Variants in ITIH5 observed in about 807,000 individuals in gnomAD.
ITIH5 encodes inter-alpha-trypsin inhibitor heavy chain H5.
Under a neutral mutation model 77.5 loss-of-function variants are expected in ITIH5, and 65 were observed. That is an observed-to-expected ratio of 0.84 (90% confidence interval 0.69 to 1.03). ITIH5 has a LOEUF of 1.03. Among genes scored for constraint, ITIH5 ranks in the 50% least tolerant of loss-of-function variants. ITIH5 has a pLI of 0.00. For synonymous variants in ITIH5, 525 were observed against 494.3 expected, an observed-to-expected ratio of 1.06 and a Z score of -0.82; for missense variants, 1,208 against 1,213.1, an observed-to-expected ratio of 1.00 and a Z score of 0.06.
intron 2 of ITIH5, among the ~76,000 whole-genome samples, chr10:7,652,687 C>T (rs1197277144): frequency 6.6e-6 from 1 of 152,020 alleles, no homozygotes; most frequent in Non-Finnish European, 1.5e-5. Context: ...TTTTCCTTTC[C>T]TTTGAAAGGA....
chr10:7,661,144 C>A (rs1299116065), intron 1 of ITIH5, among the ~76,000 whole-genome samples: 1 of 152,172 alleles, frequency 6.6e-6, no homozygotes, highest in African/African-American at 2.4e-5. Flanking sequence ...TTAGGTGGAA[C>A]AATTTCATCC....
chr10:7,589,741 C>G (rs976033824), intron 7 of ITIH5, among the ~76,000 whole-genome samples: 1 of 151,952 alleles, frequency 6.6e-6, no homozygotes, highest in Non-Finnish European at 1.5e-5. Flanking sequence ...TGGCTCCCAC[C>G]CCCAGGAAAT....
chr10:7,625,438 T>C (rs1483771075), intron 5 of ITIH5, among the ~76,000 whole-genome samples: 3 of 152,126 alleles, frequency 2.0e-5, no homozygotes, highest in African/African-American at 7.2e-5. Context: ...AATACACCAA[T>C]GTGAATAGAC....
In ITIH5 at chr10:7,663,375, C is replaced by T. The variant is rs184073747; in HGVS notation, c.90+3428G>A. ...TATGCAAATGCTTTGCCTGAATTAA[C>T]TCATTTAATCCTCGAACAACCATAA... On this transcript the variant is annotated intron_variant, in intron 1 of 13. Transcript: ENST00000397146. Among the ~76,000 whole-genome samples, 26 of 152,332 alleles carry T rather than the reference C, an allele frequency of 1.7e-4. 1 individual carries two copies. The East Asian group carries it at 4.2e-3, about 25-fold the overall frequency.
At chr10:7,577,560 G>C (rs1832450408) in intron 9 of ITIH5, among the ~76,000 whole-genome samples, 1 of 152,198 alleles carries the variant, frequency 6.6e-6, no homozygotes, top group Non-Finnish European at 1.5e-5. Context: ...ACAAATTCCA[G>C]ATGTGCTTTA....
At chr10:7,646,276 G>A (rs1166103682) in intron 2 of ITIH5, among the ~76,000 whole-genome samples, 2 of 152,142 alleles carry the variant, frequency 1.3e-5, no homozygotes, top group African/African-American at 4.8e-5. Flanking sequence ...TTAAACTGGT[G>A]TTTTAAAAAT....
chr10:7,575,342 T>C (rs992092257), intron 10 of ITIH5, among the ~76,000 whole-genome samples: 1 of 152,118 alleles, frequency 6.6e-6, no homozygotes, highest in Non-Finnish European at 1.5e-5. Context: ...GGTTGGTGAA[T>C]CCTAACTGCA....
chr10:7,570,036 A>G (rs1396176566), intron 11 of ITIH5: 1 of 353,068 alleles, frequency 2.8e-6, no homozygotes, highest in East Asian at 5.1e-5. Flanking sequence ...TCCTTTCAAC[A>G]CACCTCAGCT....
intron 4 of ITIH5, among the ~76,000 whole-genome samples, 165 bp from the exon 5 acceptor site, chr10:7,637,643 GA>G (rs772062784): frequency 3.3e-5 from 5 of 152,104 alleles, no homozygotes; most frequent in Non-Finnish European, 5.9e-5. Context: ...ATTCGTATTA[GA>G]AGAAGTGAAA....
At chr10:7,582,022 C>T (rs1000709700) in intron 8 of ITIH5, among the ~76,000 whole-genome samples, 7 of 151,392 alleles carry the variant, frequency 4.6e-5, no homozygotes, top group Admixed American at 2.6e-4. Flanking sequence ...ATTACAGGCA[C>T]ACGCCACCAT....
chr10:7,607,822 GA>G (rs904051382), intron 7 of ITIH5, among the ~76,000 whole-genome samples: 10 of 151,374 alleles, frequency 6.6e-5, no homozygotes, highest in African/African-American at 1.9e-4. Context: ...CTCGAAAGAA[GA>G]AAAAAAAAAT....
chr10:7,566,212 C>CCCA lies in ITIH5; in HGVS notation c.2342_2344dup (p.Val781dup). On this transcript the variant is annotated inframe_insertion, in exon 13 of 14. Coordinates refer to ENST00000397146, the MANE Select transcript of ITIH5 (RefSeq NM_030569.7). ...CACGGACACCTCCAGCCCCCAGCTC[C>CCCA]CCACCACCACACTCTGGTTGCAGGG... The CCCA allele has an allele frequency of 6.2e-7, 1 of 1,613,914 alleles. No homozygotes were observed. The highest frequency in any genetic ancestry group is 8.5e-7 in the Non-Finnish European group (1 of 1,179,944).
intron 2 of ITIH5, among the ~76,000 whole-genome samples, chr10:7,652,950 T>C (rs1834124241): frequency 6.6e-6 from 1 of 151,966 alleles, no homozygotes; most frequent in African/African-American, 2.4e-5. Context: ...CAAATATAAT[T>C]TAAAATGTCC....
At chr10:7,611,704 T>G (rs1463481952) in intron 7 of ITIH5, among the ~76,000 whole-genome samples, 1 of 152,210 alleles carries the variant, frequency 6.6e-6, no homozygotes, top group Non-Finnish European at 1.5e-5. Context: ...TCTTTACATA[T>G]TAATGATACA....
rs189781993 is a variant in ITIH5 at position 7,574,780 on chromosome 10, G to A, written c.1979-1585C>T. On this transcript the variant is annotated intron_variant, in intron 10 of 13. Coordinates refer to ENST00000397146, the MANE Select transcript of ITIH5 (RefSeq NM_030569.7). ...TGCACTCCAGCTTGGGCGAAAGAGC[G>A]AGACTCCATCTCGGAAAAAAAAAAA... is the stretch of plus-strand genomic sequence containing the variant. Among the ~76,000 whole-genome samples, 327 of 131,280 alleles carry A rather than the reference G, an allele frequency of 2.5e-3. 2 individuals carry two copies. Among genetic ancestry groups the A allele is most frequent in the African/African-American group, 9.2e-3 (308 of 33,356 alleles). The allele number at this position is 131,280 out of a possible 152,430, so 86.1% of individuals were successfully genotyped here.
intron 5 of ITIH5, among the ~76,000 whole-genome samples, chr10:7,631,065 A>G (rs1833704239): frequency 6.6e-6 from 1 of 151,974 alleles, no homozygotes; most frequent in Admixed American, 6.6e-5. Flanking sequence ...AGTTTAGAAA[A>G]CAAAGTGGCG....
chr10:7,624,225 A>G (rs1322695481), intron 5 of ITIH5, among the ~76,000 whole-genome samples: 2 of 152,190 alleles, frequency 1.3e-5, no homozygotes, highest in Non-Finnish European at 2.9e-5. Context: ...ATGCATTCCC[A>G]GGCCAGGCAC....
At chr10:7,627,010 A>C (rs1458991812) in intron 5 of ITIH5, among the ~76,000 whole-genome samples, 2 of 152,222 alleles carry the variant, frequency 1.3e-5, no homozygotes, top group Non-Finnish European at 2.9e-5. Context: ...TTCAACAAAC[A>C]CCTGCTGAGC....
At chr10:7,582,823 T>C (rs1314832952) in intron 8 of ITIH5, among the ~76,000 whole-genome samples, 5 of 152,022 alleles carry the variant, frequency 3.3e-5, no homozygotes, top group Non-Finnish European at 7.4e-5. Context: ...AGTAGAAGGA[T>C]GGTTTCCAGA....
Sources: allele counts gnomAD v4.1 joint callset (sites outside exome capture counted in the v4.1 genomes callset), GRCh38; gene constraint gnomAD v4.1.1; transcripts MANE v1.5; gene names NCBI Gene and HGNC (gene_info 2026-07-23, HGNC 2026-07-21).